Variants in GALNT13 observed in about 807,000 individuals in gnomAD.
GALNT13 encodes UDP-GalNAc:polypeptide N-acetylgalactosaminyltransferase 13.
Under a neutral mutation model 64.2 loss-of-function variants are expected in GALNT13, and 28 were observed. The ratio of observed to expected loss-of-function variants is 0.44; its 90% CI spans 0.32 to 0.60. GALNT13 has a LOEUF of 0.60. GALNT13 is among the 20% of genes least tolerant of loss of function. The probability of loss-of-function intolerance (pLI) is 0.05; values close to 1 mark genes in which losing one functional copy is unlikely to be tolerated. For synonymous variants in GALNT13, 214 were observed against 224.6 expected, an observed-to-expected ratio of 0.95 and a Z score of 0.42; for missense variants, 577 against 669.8, an observed-to-expected ratio of 0.86 and a Z score of 1.53.
At chr2:153,557,582 A>G in the GALNT13 span, among the ~76,000 whole-genome samples, 1 of 152,144 alleles carries the variant, frequency 6.6e-6, no homozygotes, top group Non-Finnish European at 1.5e-5. Flanking sequence ...AACATTTGCA[A>G]CACCAGTTTG....
the GALNT13 span, among the ~76,000 whole-genome samples, chr2:153,754,331 C>T: frequency 6.6e-6 from 1 of 152,124 alleles, no homozygotes; most frequent in East Asian, 1.9e-4. Context: ...CAGCAAGTCT[C>T]TGACCCTCAA....
At chr2:153,565,833 T>G in the GALNT13 span, among the ~76,000 whole-genome samples, 2 of 152,172 alleles carry the variant, frequency 1.3e-5, no homozygotes, top group Non-Finnish European at 2.9e-5. Flanking sequence ...TATTGGACAT[T>G]AAATTCTTTC....
intron 1 of GALNT13, among the ~76,000 whole-genome samples, chr2:153,900,179 A>G (rs770338343): frequency 7.2e-5 from 11 of 151,908 alleles, no homozygotes; most frequent in Non-Finnish European, 1.3e-4. Flanking sequence ...ATTTTATTAT[A>G]TGTCTTTGAA....
intron 9 of GALNT13, among the ~76,000 whole-genome samples, chr2:154,323,160 A>G (rs182114939): frequency 8.6e-5 from 13 of 151,580 alleles, no homozygotes; most frequent in Admixed American, 7.3e-4. Context: ...GCTGAGCATA[A>G]TGACTTCTGC....
the GALNT13 span, among the ~76,000 whole-genome samples, chr2:153,150,823 T>C: frequency 9.2e-5 from 14 of 152,200 alleles, no homozygotes; most frequent in East Asian, 1.9e-3. Flanking sequence ...TTCTGTTCCA[T>C]TGGTTTATAT....
intron 4 of GALNT13, among the ~76,000 whole-genome samples, chr2:154,154,834 C>T (rs928888886): frequency 6.6e-6 from 1 of 151,466 alleles, no homozygotes; most frequent in Non-Finnish European, 1.5e-5. Flanking sequence ...ACTGATTTTC[C>T]AGAATAGGTG....
chr2:153,797,214 T>C, the GALNT13 span, among the ~76,000 whole-genome samples: 1 of 152,192 alleles, frequency 6.6e-6, no homozygotes, highest in Non-Finnish European at 1.5e-5. Context: ...AGAGGCTTTT[T>C]GAAATTCAGT....
At chr2:153,385,737 T>C in the GALNT13 span, among the ~76,000 whole-genome samples, 1 of 152,044 alleles carries the variant, frequency 6.6e-6, no homozygotes, top group Non-Finnish European at 1.5e-5. Flanking sequence ...ATACAAAGGA[T>C]AAATGCTTGA....
chr2:154,148,673 C>A (rs1375256588), intron 4 of GALNT13, among the ~76,000 whole-genome samples: 1 of 152,136 alleles, frequency 6.6e-6, no homozygotes, highest in Non-Finnish European at 1.5e-5. Context: ...TCTCTGATAG[C>A]CAGTGATGGT....
the GALNT13 span, among the ~76,000 whole-genome samples, chr2:153,383,867 G>GTTAA: frequency 1.3e-5 from 2 of 152,002 alleles, no homozygotes; most frequent in Admixed American, 1.3e-4. Flanking sequence ...ACACAAGGAT[G>GTTAA]TTAAGACTCA....
chr2:154,378,143 C>T (rs530025394), intron 9 of GALNT13, among the ~76,000 whole-genome samples: 2 of 152,098 alleles, frequency 1.3e-5, no homozygotes, highest in Admixed American at 6.6e-5. Flanking sequence ...ACACAGAGAA[C>T]GCCAATTCTC....
intron 3 of GALNT13, among the ~76,000 whole-genome samples, chr2:154,123,838 G>C (rs534304120): frequency 2.0e-5 from 3 of 151,942 alleles, no homozygotes; most frequent in African/African-American, 7.2e-5. Flanking sequence ...GTGACAAAAG[G>C]CATATATCAG....
chr2:153,620,278 C>A, the GALNT13 span, among the ~76,000 whole-genome samples: 10 of 151,854 alleles, frequency 6.6e-5, no homozygotes, highest in African/African-American at 2.4e-4. Flanking sequence ...AGTGCATGAC[C>A]ACACCTGGCT....
At chr2:153,218,138 G>C in the GALNT13 span, among the ~76,000 whole-genome samples, 3 of 152,168 alleles carry the variant, frequency 2.0e-5, no homozygotes, top group African/African-American at 7.2e-5. Flanking sequence ...CCTCAGCCTT[G>C]AGTCTTCCCT....
At chr2:153,281,515 G>A in the GALNT13 span, among the ~76,000 whole-genome samples, 33 of 152,068 alleles carry the variant, frequency 2.2e-4, no homozygotes, top group African/African-American at 7.5e-4. Flanking sequence ...GTGGCAGTAG[G>A]TATTGTTCTT....
the GALNT13 span, among the ~76,000 whole-genome samples, chr2:153,457,666 A>C: frequency 0.078 from 11,814 of 152,264 alleles, 526 homozygotes; most frequent in South Asian, 0.14. Flanking sequence ...CTGAGTAAAT[A>C]GAATCATGGG....
At chr2:153,445,367 C>A in the GALNT13 span, among the ~76,000 whole-genome samples, 1 of 151,912 alleles carries the variant, frequency 6.6e-6, no homozygotes, top group Non-Finnish European at 1.5e-5. Flanking sequence ...TTAAAAATAA[C>A]AAAATAGGAA....
the GALNT13 span, among the ~76,000 whole-genome samples, chr2:153,667,263 C>T: frequency 1.3e-5 from 2 of 152,238 alleles, no homozygotes; most frequent in South Asian, 4.1e-4. Flanking sequence ...GGTAAACATT[C>T]AAAGTCAGAA....
At chr2:153,777,865 A>G in the GALNT13 span, among the ~76,000 whole-genome samples, 1 of 152,090 alleles carries the variant, frequency 6.6e-6, no homozygotes, top group African/African-American at 2.4e-5. Context: ...TAGACTTTCT[A>G]CCTTGTTACA....
Sources: allele counts gnomAD v4.1 joint callset (sites outside exome capture counted in the v4.1 genomes callset), GRCh38; gene constraint gnomAD v4.1.1; transcripts MANE v1.5; gene names NCBI Gene and HGNC (gene_info 2026-07-23, HGNC 2026-07-21).